TIMELESS: variants seen among roughly 807,000 people sequenced by gnomAD.
The protein encoded by TIMELESS is protein timeless homolog.
A neutral mutation model predicts 164.3 loss-of-function variants in TIMELESS; 124 were observed. The ratio of observed to expected loss-of-function variants is 0.75; its 90% CI spans 0.65 to 0.88. The LOEUF is 0.88. TIMELESS is among the 40% of genes least tolerant of loss of function. The pLI is 0.00. For synonymous variants in TIMELESS, 564 were observed against 563.4 expected (o/e 1.00, Z -0.02); for missense variants, 1,422 against 1,491.4 (o/e 0.95, Z 0.77).
intron 1 of TIMELESS, among the ~76,000 whole-genome samples, chr12:56,447,956 G>C (rs1001695759): frequency 2.0e-5 from 3 of 152,170 alleles, no homozygotes; most frequent in South Asian, 4.1e-4. Context: ...CACGTGGCCA[G>C]GAGTCAGGTG....
Position 56,421,495 on chromosome 12 carries a change from T to C in TIMELESS, c.2726-2A>G, listed in dbSNP as rs554622617. 5.0e-6 allele frequency: 8 copies of C among 1,608,090 alleles called. No homozygotes were observed. In the South Asian group the frequency reaches 8.8e-5, roughly 18 times the overall value. On this transcript the variant is annotated splice_acceptor_variant, in intron 22 of 28. Transcript: ENST00000553532. LOFTEE classifies it high-confidence loss of function. ...TCTTCATGATATGACCCAGGACATC[T>C]ATAAAAAGCAAGCATGTGAATACCC...
At chr12:56,433,228 G>C in intron 5 of TIMELESS, 101 bp from the exon 6 acceptor site, 1 of 1,425,936 alleles carries the variant, frequency 7.0e-7, no homozygotes, top group Non-Finnish European at 9.8e-7. Context: ...GGATTAAAAA[G>C]AAAGAGTTCA....
intron 26 of TIMELESS, among the ~76,000 whole-genome samples, chr12:56,419,667 C>T (rs1881389744): frequency 6.6e-6 from 1 of 151,868 alleles, no homozygotes; most frequent in South Asian, 2.1e-4. Context: ...GGATTCTGTC[C>T]TGCAAGCAGT....
At chr12:56,424,656 G>T in intron 15 of TIMELESS, 106 bp downstream of exon 15, 1 of 1,427,214 alleles carries the variant, frequency 7.0e-7, no homozygotes, top group Non-Finnish European at 9.4e-7. Context: ...TACAGTCCCA[G>T]AGCCTTGATG....
In TIMELESS at chr12:56,421,376, T is replaced by C. The variant is rs1193445661; in HGVS notation, c.2843A>G (p.Gln948Arg). 3.7e-6 allele frequency: 6 copies of C among 1,614,014 alleles called. No homozygotes were observed. The highest frequency in any genetic ancestry group is 5.1e-6 in the Non-Finnish European group (6 of 1,179,958). Residue 948 changes from glutamine to arginine, a missense_variant, in exon 23 of 29, where the codon CAG becomes CGG. By Grantham distance (43) the Gln-to-Arg change is conservative. Transcript: ENST00000553532. ...AERRELYKKR[Q>R]KKLASSILPN... ...CAAGATGGAGGATGCCAACTTTTTC[T>C]GCCGTTTCTTGTACAGCTCCCGCCG...
intron 1 of TIMELESS, among the ~76,000 whole-genome samples, chr12:56,442,549 T>A (rs1215603620): frequency 6.6e-6 from 1 of 152,218 alleles, no homozygotes; most frequent in Non-Finnish European, 1.5e-5. Flanking sequence ...TATCACTATA[T>A]ACATCAGTTT....
intron 1 of TIMELESS, among the ~76,000 whole-genome samples, chr12:56,444,635 C>G (rs868054850): frequency 1.3e-5 from 2 of 151,662 alleles, no homozygotes; most frequent in Non-Finnish European, 2.9e-5. Flanking sequence ...CAGCCTCAAG[C>G]CCCCAGGCTC....
rs376009257 is a variant in TIMELESS, at chr12:56,429,128, T to A, written c.1087-28A>T. 1.9e-6 allele frequency: 3 copies of A among 1,579,634 alleles called. No homozygotes were observed. In the African/African-American group the frequency reaches 4.1e-5, roughly 21 times the overall value. ...GACATTTAAAAAAGAAAAAAAAAGA[T>A]CACCATGACTCCAGGGCTTCCAACT... On this transcript the variant is annotated intron_variant, in intron 10 of 28. Coordinates refer to ENST00000553532, the MANE Select transcript of TIMELESS (RefSeq NM_003920.5).
rs1565685842 is a variant in TIMELESS at position 56,433,897 on chromosome 12, T to C, written c.127A>G (p.Arg43Gly). 2.5e-6 allele frequency: 4 copies of C among 1,614,010 alleles called. No homozygotes were observed. The highest frequency in any genetic ancestry group is 3.4e-6 in the Non-Finnish European group (4 of 1,179,974). The part of the protein sequence containing the change: ...ESVKDLIRYL[R>G]HEDETRDVRQ... Reference sequence around the variant, plus strand: ...ACATCTCGTGTCTCATCCTCATGCCTCAAATAGCGGATCAGATCCTTCACG... The same window carrying C: ...ACATCTCGTGTCTCATCCTCATGCCCCAAATAGCGGATCAGATCCTTCACG... The change falls in exon 3 of 29, where the codon AGG (arginine) becomes GGG (glycine). Residue 43 changes from arginine to glycine, a missense_variant. By Grantham distance (125) the Arg-to-Gly change is moderately radical. Coordinates refer to ENST00000553532, the MANE Select transcript of TIMELESS (RefSeq NM_003920.5).
Position 56,422,950 on chromosome 12 carries a change from C to G in TIMELESS, c.2335G>C (p.Ala779Pro). Residue 779 changes from alanine (A) to proline (P), a missense_variant, in exon 19 of 29, where the codon GCA (alanine) becomes CCA (proline). Ala to Pro is a conservative substitution (Grantham distance 27). Transcript: ENST00000553532. ...FAKYILGKFF[A>P]LAAVNQKAFV... ...GCTTTTTGGTTGACTGCAGCCAGTG[C>G]AAAAAATTTGCCCAGGATGTATTTG... 1 of 1,613,870 alleles carries G rather than the reference C, an allele frequency of 6.2e-7. No homozygotes were observed. The highest frequency in any genetic ancestry group is 8.5e-7 in the Non-Finnish European group (1 of 1,179,962).
intron 1 of TIMELESS, among the ~76,000 whole-genome samples, chr12:56,448,770 A>T (rs755805211): frequency 6.6e-6 from 1 of 152,202 alleles, no homozygotes; most frequent in Non-Finnish European, 1.5e-5. Context: ...GTACTAGTCG[A>T]AGCACGAATG....
Position 56,425,082 on chromosome 12 carries a change from G to A in TIMELESS, c.1649C>T (p.Pro550Leu). Residue 550 changes from proline to leucine, a missense_variant, in exon 14 of 29, where the codon CCA (proline) becomes CTA (leucine). Coordinates refer to ENST00000553532, the MANE Select transcript of TIMELESS (RefSeq NM_003920.5). ...LDQAIVSGNV[P>L]SSPEEVEAVW... ...AGCCTCCACTTCTTCTGGGCTAGAT[G>A]GGACATTACCAGAAACAATGGCCTG... 4 of 1,614,154 alleles carry A rather than the reference G, an allele frequency of 2.5e-6. No homozygotes were observed. Among genetic ancestry groups the A allele is most frequent in the Non-Finnish European group, 2.5e-6 (3 of 1,180,036 alleles).
Position 56,434,157 on chromosome 12 carries a change from A to C in TIMELESS, c.14T>G (p.Met5Arg). 1 of 1,614,178 alleles carries C rather than the reference A, an allele frequency of 6.2e-7. No individual in the cohort carries two copies. The highest frequency in any genetic ancestry group is 8.5e-7 in the Non-Finnish European group (1 of 1,180,002). The change falls in exon 2 of 29, where the codon ATG becomes AGG. Residue 5 changes from methionine (M) to arginine (R), a missense_variant. Met to Arg is a moderately conservative substitution (Grantham distance 91). Transcript: ENST00000553532. ...TGTGGCTAGAAGTTCACAGTTCATC[A>C]TGTGCAAGTCCATACATCAGTGGAC... MDLH[M>R]MNCELLATCS... is the part of the protein sequence containing the mutation.
chr12:56,418,998 A>ATT lies in TIMELESS; in HGVS notation c.3229-641_3229-640dup, dbSNP rs34996841. On this transcript the variant is annotated intron_variant, in intron 26 of 28. Transcript: ENST00000553532. The stretch of plus-strand genomic sequence containing the variant: ...AACAAATGTACTGTAGTATCACAGG[A>ATT]TTTTTTTTTTTTTCTTTTTGAGGCA... 2.5e-3 allele frequency among the ~76,000 whole-genome samples: 347 copies of ATT among 139,270 alleles called. 16 individuals are homozygous for ATT. The highest frequency in any genetic ancestry group is 0.021 in the East Asian group (101 of 4,706). 91.4% of individuals were successfully genotyped at this position (139,270 alleles called of 152,430 possible).
intron 1 of TIMELESS, among the ~76,000 whole-genome samples, chr12:56,448,385 GAC>G (rs1473896061): frequency 6.6e-6 from 1 of 151,120 alleles, no homozygotes; most frequent in Non-Finnish European, 1.5e-5. Flanking sequence ...CAGCCTGGGC[GAC>G]AGAGCCAGAC....
Position 56,425,040 on chromosome 12 carries a change from G to A in TIMELESS, c.1691C>T (p.Ala564Val). The change falls in exon 14 of 29, where the codon GCT becomes GTT. Residue 564 changes from alanine (A) to valine (V), a missense_variant. By Grantham distance (64) the Ala-to-Val change is moderately conservative. Transcript: ENST00000553532. ...CTGGGCACAGCACTGTAGCTGCTCA[G>A]CCAGGGCTGGCCACACAGCCTCCAC... ...EEVEAVWPAL[A>V]EQLQCCAQNS... The A allele has an allele frequency of 5.0e-6, 8 of 1,614,224 alleles. No homozygotes were observed. The highest frequency in any genetic ancestry group is 6.8e-6 in the Non-Finnish European group (8 of 1,180,038).
chr12:56,430,442 T>C (rs1881839206), intron 9 of TIMELESS, among the ~76,000 whole-genome samples, 161 bp from the exon 10 acceptor site: 1 of 152,106 alleles, frequency 6.6e-6, no homozygotes, highest in Non-Finnish European at 1.5e-5. Flanking sequence ...CATAGCACAC[T>C]GGAGCCTTGA....
intron 1 of TIMELESS, among the ~76,000 whole-genome samples, chr12:56,440,646 T>C (rs778089769): frequency 6.6e-6 from 1 of 152,110 alleles, no homozygotes; most frequent in Non-Finnish European, 1.5e-5. Flanking sequence ...ATAATAATAA[T>C]ACCCACCCTC....
rs767618699 is a variant in TIMELESS, at chr12:56,428,576, C to A, written c.1381G>T (p.Val461Leu). Residue 461 changes from valine to leucine, a missense_variant, in exon 12 of 29, where the codon GTG becomes TTG. By Grantham distance (32) the Val-to-Leu change is conservative. Transcript: ENST00000553532. ...NEMDISPDEA[V>L]RESSRIIKNN... ...TTGATGATGCGGCTGCTCTCCCTCA[C>A]AGCCTCATCTGGAGATATGTCCATC... is the stretch of plus-strand genomic sequence containing the variant. The A allele has an allele frequency of 1.2e-6, 2 of 1,614,140 alleles. No homozygotes were observed. Among genetic ancestry groups the A allele is most frequent in the Non-Finnish European group, 1.7e-6 (2 of 1,180,010 alleles).
Sources: allele counts gnomAD v4.1 joint callset (sites outside exome capture counted in the v4.1 genomes callset), GRCh38; gene constraint gnomAD v4.1.1; transcripts MANE v1.5; gene names NCBI Gene and HGNC (gene_info 2026-07-23, HGNC 2026-07-21).